The following ROBO2 variants were observed in gnomAD, a reference collection of about 807,000 sequenced individuals.
ROBO2 encodes roundabout guidance receptor 2.
A neutral mutation model predicts 160.8 loss-of-function variants in ROBO2; 53 were observed. That is an observed-to-expected ratio of 0.33 (90% CI 0.26 to 0.41). The LOEUF (loss-of-function observed/expected upper bound fraction) is 0.41, where lower values mean the gene tolerates loss of function less well. ROBO2 is among the 10% of genes least tolerant of loss of function. The pLI is 1.00. For synonymous variants in ROBO2, 664 were observed against 611.7 expected, an observed-to-expected ratio of 1.09 and a Z score of -1.26; for missense variants, 1,577 against 1,722.4, an observed-to-expected ratio of 0.92 and a Z score of 1.49.
At chr3:77,251,787 CTCTG>C (rs1307539586) in intron 2 of ROBO2, among the ~76,000 whole-genome samples, 11 of 152,136 alleles carry the variant, frequency 7.2e-5, no homozygotes, top group Non-Finnish European at 7.3e-5. Flanking sequence ...TCACTTGACT[CTCTG>C]TCTGTCTGCC....
rs898961468 is a variant in ROBO2, at chr3:77,116,987, G to A, written c.388+18647G>A. 1.4e-4 allele frequency among the ~76,000 whole-genome samples: 21 copies of A among 152,168 alleles called. 1 individual carries two copies. Among genetic ancestry groups the A allele is most frequent in the African/African-American group, 4.6e-4 (19 of 41,430 alleles). On this transcript the variant is annotated intron_variant, in intron 2 of 25. Coordinates refer to ENST00000461745, the Ensembl canonical transcript of ROBO2. ...GCTCAGCTACCTGTGTGATCACACA[G>A]CTGAATATCGGAAAGATTTTGTTCA... is the stretch of plus-strand genomic sequence containing the variant.
chr3:76,287,745 C>T (rs935503036), intron 2 of ROBO2, among the ~76,000 whole-genome samples: 4 of 152,206 alleles, frequency 2.6e-5, no homozygotes, highest in African/African-American at 9.7e-5. Flanking sequence ...CTTTGGTTTC[C>T]TCATCTGTAA....
At chr3:77,209,848 ATACT>A (rs751618752) in intron 2 of ROBO2, among the ~76,000 whole-genome samples, 2 of 152,140 alleles carry the variant, frequency 1.3e-5, no homozygotes, top group East Asian at 1.9e-4. Context: ...TCACTCAGAA[ATACT>A]TACTTATTGT....
intron 2 of ROBO2, among the ~76,000 whole-genome samples, chr3:76,317,351 T>C (rs888515878): frequency 6.6e-6 from 1 of 152,222 alleles, no homozygotes; most frequent in Non-Finnish European, 1.5e-5. Flanking sequence ...AGGCTTTTAC[T>C]ATATCATTTA....
At chr3:76,774,776 A>C (rs2062134361) in intron 2 of ROBO2, among the ~76,000 whole-genome samples, 1 of 149,410 alleles carries the variant, frequency 6.7e-6, no homozygotes, top group Non-Finnish European at 1.5e-5. Flanking sequence ...TTTTGCCTTC[A>C]ATTAGAAATG....
intron 2 of ROBO2, among the ~76,000 whole-genome samples, chr3:76,095,182 G>A (rs2108121914): frequency 1.3e-5 from 2 of 151,978 alleles, no homozygotes; most frequent in Middle Eastern, 6.8e-3. Context: ...AACAGAGAGA[G>A]AAAATCCAAA....
At chr3:77,453,625 A>G (rs142431818) in intron 2 of ROBO2, among the ~76,000 whole-genome samples, 419 of 152,208 alleles carry the variant, frequency 2.8e-3, no homozygotes, top group African/African-American at 9.5e-3. Flanking sequence ...AATCTGTTTG[A>G]TAGGAAAAAA....
intron 2 of ROBO2, among the ~76,000 whole-genome samples, chr3:77,336,525 T>C (rs1359377287): frequency 6.6e-6 from 1 of 152,126 alleles, no homozygotes; most frequent in Admixed American, 6.6e-5. Context: ...TTTTTTTTTT[T>C]CTTTTGCTTA....
intron 2 of ROBO2, among the ~76,000 whole-genome samples, chr3:76,640,872 A>G (rs900252579): frequency 6.6e-6 from 1 of 152,236 alleles, no homozygotes; most frequent in Non-Finnish European, 1.5e-5. Flanking sequence ...CAGAAGAGCC[A>G]ACCTGAGGGA....
intron 2 of ROBO2, among the ~76,000 whole-genome samples, chr3:77,031,033 A>G (rs1263359570): frequency 6.6e-6 from 1 of 152,202 alleles, no homozygotes. Context: ...GATAGTAGGT[A>G]CAGCTGGTAA....
intron 2 of ROBO2, among the ~76,000 whole-genome samples, chr3:77,108,074 C>G (rs939071485): frequency 6.6e-6 from 1 of 151,322 alleles, no homozygotes; most frequent in East Asian, 1.9e-4. Context: ...TTATATAAAT[C>G]CACCTACCTC....
chr3:76,460,960 A>G (rs2078054516), intron 2 of ROBO2, among the ~76,000 whole-genome samples: 1 of 152,196 alleles, frequency 6.6e-6, no homozygotes, highest in Non-Finnish European at 1.5e-5. Context: ...ACAGAAACAA[A>G]GCCATGCATC....
In ROBO2 at chr3:77,596,506, T is replaced by C. The variant is rs2094306532; in HGVS notation, c.2727-117T>C. 4.0e-6 allele frequency: 5 copies of C among 1,262,644 alleles called. No homozygotes were observed. In the South Asian group the frequency reaches 4.8e-5, roughly 12 times the overall value. 78.2% of individuals were successfully genotyped at this position (1,262,644 alleles called of 1,614,324 possible). ...TCTTTAATTCCAGGGAGTCTACTTA[T>C]ATTAATTTGAAGTCAATGAAAATCT... is the stretch of plus-strand genomic sequence containing the variant. On this transcript the variant is annotated intron_variant, in intron 18 of 25. Coordinates refer to ENST00000461745, the Ensembl canonical transcript of ROBO2.
chr3:77,295,070 A>G (rs1394721256), intron 2 of ROBO2, among the ~76,000 whole-genome samples: 1 of 151,512 alleles, frequency 6.6e-6, no homozygotes, highest in Non-Finnish European at 1.5e-5. Flanking sequence ...AACTGAGGCT[A>G]GAGCACTAAA....
intron 2 of ROBO2, among the ~76,000 whole-genome samples, chr3:76,401,752 T>C (rs1237207272): frequency 2.0e-5 from 3 of 151,244 alleles, no homozygotes; most frequent in African/African-American, 7.3e-5. Context: ...AAAAAAAAAC[T>C]ATCATAAAAC....
chr3:76,288,510 G>C (rs1237428508), intron 2 of ROBO2, among the ~76,000 whole-genome samples: 1 of 150,836 alleles, frequency 6.6e-6, no homozygotes, highest in Non-Finnish European at 1.5e-5. Context: ...CCAACTTTTA[G>C]GTTCAGGGGA....
chr3:75,933,849 G>C (rs944452391), intron 1 of ROBO2, among the ~76,000 whole-genome samples: 14 of 152,254 alleles, frequency 9.2e-5, no homozygotes, highest in Middle Eastern at 3.4e-3. Context: ...ACTTCGATTT[G>C]CTCTTATAAC....
intron 2 of ROBO2, among the ~76,000 whole-genome samples, chr3:76,424,501 T>TG (rs1221428843): frequency 2.0e-5 from 3 of 152,084 alleles, no homozygotes; most frequent in African/African-American, 7.2e-5. Context: ...TGCCAGGAGC[T>TG]GGGGGCAGGG....
chr3:76,010,277 C>T (rs987183567), intron 2 of ROBO2, among the ~76,000 whole-genome samples: 2 of 152,166 alleles, frequency 1.3e-5, no homozygotes, highest in African/African-American at 4.8e-5. Flanking sequence ...ATGACGGGAC[C>T]AGAATATACG....
Sources: gnomAD v4.1 joint callset for allele counts (sites outside exome capture counted in the v4.1 genomes callset) on GRCh38, gnomAD v4.1.1 for gene constraint, MANE v1.5 for transcripts, NCBI Gene and HGNC (gene_info 2026-07-23, HGNC 2026-07-21) for gene names.